Variants in AKT3 observed in about 807,000 individuals in gnomAD.
The protein encoded by AKT3 is RAC-gamma serine/threonine-protein kinase.
Under a neutral mutation model 65.3 loss-of-function variants are expected in AKT3, and 15 were observed. The ratio of observed to expected loss-of-function variants is 0.23; its 90% CI spans 0.15 to 0.35. The LOEUF is 0.35. Among genes scored for constraint, AKT3 ranks in the 10% least tolerant of loss-of-function variants. The pLI is 1.00. For synonymous variants in AKT3, 206 were observed against 183.8 expected (o/e 1.12, Z -0.98); for missense variants, 243 against 576.5 (o/e 0.42, Z 5.92).
intron 3 of AKT3, among the ~76,000 whole-genome samples, chr1:243,673,851 G>C (rs991136357): frequency 3.9e-5 from 6 of 152,118 alleles, no homozygotes; most frequent in African/African-American, 1.2e-4. Flanking sequence ...TTGACCTCGT[G>C]ATCCACCCAC....
At chr1:243,667,211 T>C (rs1682848932) in intron 3 of AKT3, among the ~76,000 whole-genome samples, 3 of 152,200 alleles carry the variant, frequency 2.0e-5, no homozygotes, top group African/African-American at 7.2e-5. Flanking sequence ...TCAGATTCTG[T>C]GTGCCCAATG....
downstream of AKT3, among the ~76,000 whole-genome samples, chr1:243,495,219 T>C (rs1667492718): frequency 6.6e-6 from 1 of 152,210 alleles, no homozygotes; most frequent in African/African-American, 2.4e-5. Flanking sequence ...GCCTCATGTG[T>C]GCTGGGGCCT....
At position 243,710,224 on chromosome 1, in the gene AKT3, A is replaced by T. The variant is rs528489438; in HGVS notation, c.47-14508T>A. Among the ~76,000 whole-genome samples, 9 of 152,262 alleles carry T rather than the reference A, an allele frequency of 5.9e-5. 1 individual carries two copies. The South Asian group carries it at 1.9e-3, about 31-fold the overall frequency. The stretch of plus-strand genomic sequence containing the variant: ...AGTACGGTTTCATTTATTTGTGAAA[A>T]TGTCCTTACAGTTTCATCCTCATTT... On this transcript the variant is annotated intron_variant, in intron 2 of 13. Transcript: ENST00000673466.
At chr1:243,637,432 T>C (rs770257136) in intron 6 of AKT3, among the ~76,000 whole-genome samples, 179 bp downstream of exon 6, 112 of 152,222 alleles carry the variant, frequency 7.4e-4, no homozygotes, top group Non-Finnish European at 1.4e-3. Context: ...ATATTATGAA[T>C]GTCTGAAAAC....
At position 243,800,547 on chromosome 1, in the gene AKT3, G is replaced by A. The variant is rs576245683; in HGVS notation, c.46+42578C>T. Among the ~76,000 whole-genome samples the A allele has an allele frequency of 7.2e-5, 11 of 152,152 alleles. No individual in the cohort carries two copies. In the East Asian group the frequency reaches 1.4e-3, roughly 19 times the overall value. On this transcript the variant is annotated intron_variant, in intron 2 of 13. Transcript: ENST00000673466. ...ATCCTGGCCAACATGGTGAAACCCC[G>A]TCTCTACTAAAAATACAAACATTAG... is the stretch of plus-strand genomic sequence containing the variant.
At chr1:243,524,212 T>C (rs1670903418) in intron 12 of AKT3, among the ~76,000 whole-genome samples, 1 of 152,230 alleles carries the variant, frequency 6.6e-6, no homozygotes, top group Non-Finnish European at 1.5e-5. Flanking sequence ...GACTGAAGCA[T>C]CATTATGTTG....
chr1:243,850,045 A>ACGGCGGCGG lies in AKT3; in HGVS notation c.-127_-119dup, dbSNP rs530666483. 1.0e-6 allele frequency: 1 copy of ACGGCGGCGG among 980,958 alleles called. No individual in the cohort carries two copies. The highest frequency in any genetic ancestry group is 1.2e-6 in the Non-Finnish European group (1 of 828,886). 60.8% of individuals were successfully genotyped at this position (980,958 alleles called of 1,614,324 possible). On this transcript the variant is annotated 5_prime_UTR_variant, in exon 1 of 14. Transcript: ENST00000673466. ...TTGGGGGCGGTGGCTGTTACCTGCA[A>ACGGCGGCGG]CGGCGGCGGCGGCGGTGGCGGCCCC...
chr1:243,701,407 G>A (rs1462534315), intron 2 of AKT3, among the ~76,000 whole-genome samples: 1 of 152,094 alleles, frequency 6.6e-6, no homozygotes, highest in African/African-American at 2.4e-5. Flanking sequence ...GCTGGGTACT[G>A]GTTGAGAATA....
chr1:243,506,145 C>T lies in AKT3; in HGVS notation c.1355-811G>A, dbSNP rs143147803. 3.3e-3 allele frequency among the ~76,000 whole-genome samples: 497 copies of T among 152,370 alleles called. 2 individuals are homozygous for T. Among genetic ancestry groups the T allele is most frequent in the Non-Finnish European group, 5.2e-3 (357 of 68,034 alleles). ...GCCACTCAGTCAACATGCGCTCCCA[C>T]GCATCTGCTCTGGGCTGAGCACCCG... On this transcript the variant is annotated intron_variant, in intron 13 of 13. Transcript: ENST00000673466.
At chr1:243,631,191 C>T (rs1374648430) in intron 6 of AKT3, among the ~76,000 whole-genome samples, 1 of 152,136 alleles carries the variant, frequency 6.6e-6, no homozygotes, top group African/African-American at 2.4e-5. Flanking sequence ...CCAAAAAAGG[C>T]TAAGGGTCAT....
Position 243,768,809 on chromosome 1 carries a change from C to G in AKT3, c.47-73093G>C, listed in dbSNP as rs192186031. On this transcript the variant is annotated intron_variant, in intron 2 of 13. Transcript: ENST00000673466. ...AAGATCACGCCTGTGTACTCCAGTC[C>G]GGGCAAGACAGTGATCCGCCACAAA... 2.9e-5 allele frequency among the ~76,000 whole-genome samples: 4 copies of G among 140,298 alleles called. No homozygotes were observed. The South Asian group carries it at 9.0e-4, about 32-fold the overall frequency. 92.0% of individuals were successfully genotyped at this position (140,298 alleles called of 152,430 possible).
chr1:243,561,950 C>T (rs1673815008), intron 10 of AKT3, among the ~76,000 whole-genome samples: 1 of 152,110 alleles, frequency 6.6e-6, no homozygotes, highest in African/African-American at 2.4e-5. Context: ...ACAACTGCTT[C>T]AGGGAGTAAG....
chr1:243,787,795 T>C (rs1691359201), intron 2 of AKT3, among the ~76,000 whole-genome samples: 1 of 152,168 alleles, frequency 6.6e-6, no homozygotes, highest in South Asian at 2.1e-4. Context: ...GTCTTCAGAC[T>C]TGCTACCATC....
At chr1:243,642,914 T>G (rs929785517) in intron 5 of AKT3, among the ~76,000 whole-genome samples, 1 of 152,102 alleles carries the variant, frequency 6.6e-6, no homozygotes, top group Admixed American at 6.6e-5. Flanking sequence ...ATTAGCATAT[T>G]TGGTCAAAAA....
chr1:243,759,902 A>G (rs114363325), intron 2 of AKT3, among the ~76,000 whole-genome samples: 4,221 of 152,338 alleles, frequency 0.028, 85 homozygotes, highest in Middle Eastern at 0.15. Flanking sequence ...TAGGACTCTG[A>G]TAAGTCAATT....
intron 2 of AKT3, among the ~76,000 whole-genome samples, chr1:243,805,211 A>C (rs1047693402): frequency 3.9e-5 from 6 of 151,924 alleles, no homozygotes; most frequent in Admixed American, 3.3e-4. Context: ...TTCCTCAGTA[A>C]TTCTTCCTTC....
At chr1:243,534,647 T>G (rs1054280142) in intron 12 of AKT3, among the ~76,000 whole-genome samples, 2 of 152,196 alleles carry the variant, frequency 1.3e-5, no homozygotes, top group Admixed American at 6.5e-5. Context: ...CATATAAAAG[T>G]ATGCTCTCAG....
chr1:243,623,344 T>C (rs554420408), intron 6 of AKT3, among the ~76,000 whole-genome samples: 1 of 152,272 alleles, frequency 6.6e-6, no homozygotes, highest in East Asian at 1.9e-4. Context: ...AAATTAACCA[T>C]CACAGATGCA....
At chr1:243,798,538 C>T (rs1433798945) in intron 2 of AKT3, among the ~76,000 whole-genome samples, 1 of 151,534 alleles carries the variant, frequency 6.6e-6, no homozygotes, top group Non-Finnish European at 1.5e-5. Flanking sequence ...TTGTGCCAGG[C>T]CTTCTATTTA....
Sources: allele counts gnomAD v4.1 joint callset (sites outside exome capture counted in the v4.1 genomes callset), GRCh38; gene constraint gnomAD v4.1.1; transcripts MANE v1.5; gene names NCBI Gene and HGNC (gene_info 2026-07-23, HGNC 2026-07-21).